The following NXPE2 variants were observed in gnomAD, a reference collection of about 807,000 sequenced individuals.
NXPE2 encodes the protein NXPE family member 2.
Under a neutral mutation model 34.4 loss-of-function variants are expected in NXPE2, and 34 were observed. The observed-to-expected ratio is 0.99, with a 90% CI of 0.75 to 1.31. NXPE2 has a LOEUF of 1.31. Among genes scored for constraint, NXPE2 ranks in the 40% most tolerant of loss-of-function variants. NXPE2 has a pLI of 0.00. For missense variants in NXPE2, 649 were observed against 672.5 expected, an observed-to-expected ratio of 0.97 and a Z score of 0.39; for synonymous variants, 235 against 231.3, an observed-to-expected ratio of 1.02 and a Z score of -0.15.
chr11:114,515,372 T>C, the NXPE2 span, among the ~76,000 whole-genome samples: 1 of 152,216 alleles, frequency 6.6e-6, no homozygotes, highest in South Asian at 2.1e-4. Context: ...ACAATTTTGC[T>C]TATTACTTCT....
At chr11:114,804,239 T>G in the NXPE2 span, among the ~76,000 whole-genome samples, 2 of 152,216 alleles carry the variant, frequency 1.3e-5, no homozygotes, top group Non-Finnish European at 2.9e-5. Context: ...CTGCTCCCTA[T>G]TCCCATAGTC....
chr11:114,591,937 A>G, the NXPE2 span, among the ~76,000 whole-genome samples: 1 of 152,160 alleles, frequency 6.6e-6, no homozygotes, highest in Non-Finnish European at 1.5e-5. Flanking sequence ...AAAATCATAT[A>G]ATCATCTCAA....
chr11:114,668,034 C>T, the NXPE2 span, among the ~76,000 whole-genome samples: 1 of 151,772 alleles, frequency 6.6e-6, no homozygotes, highest in Non-Finnish European at 1.5e-5. Flanking sequence ...TACAGGTACA[C>T]ACAGAAGGAA....
chr11:114,551,255 C>G, the NXPE2 span: 319 of 1,341,878 alleles, frequency 2.4e-4, 3 homozygotes, highest in East Asian at 7.9e-3. Context: ...AAGTGAATCT[C>G]TCTGTACTCA....
the NXPE2 span, among the ~76,000 whole-genome samples, chr11:114,745,855 A>G: frequency 6.6e-6 from 1 of 152,180 alleles, no homozygotes; most frequent in African/African-American, 2.4e-5. Context: ...TTACAAATGT[A>G]CTGTGTAGGG....
At chr11:114,747,440 C>T in the NXPE2 span, among the ~76,000 whole-genome samples, 1 of 151,820 alleles carries the variant, frequency 6.6e-6, no homozygotes, top group African/African-American at 2.4e-5. Context: ...ATATGCATTA[C>T]CTCATGTATT....
At chr11:114,466,909 T>C in the NXPE2 span, among the ~76,000 whole-genome samples, 8 of 152,134 alleles carry the variant, frequency 5.3e-5, no homozygotes, top group Non-Finnish European at 1.0e-4. Flanking sequence ...CAGAATTGAG[T>C]TGGAGGCTGA....
At chr11:114,768,617 G>A in the NXPE2 span, among the ~76,000 whole-genome samples, 2 of 152,088 alleles carry the variant, frequency 1.3e-5, no homozygotes. Context: ...TCCTTGAAGA[G>A]GTTCTTCACA....
chr11:114,632,699 T>TATATAATATA, the NXPE2 span, among the ~76,000 whole-genome samples: 3 of 71,954 alleles, frequency 4.2e-5, no homozygotes, highest in Non-Finnish European at 7.1e-5. Flanking sequence ...TTTATATATT[T>TATATAATATA]ATATAATATA....
intron 2 of NXPE2, among the ~76,000 whole-genome samples, chr11:114,695,098 T>C (rs1306759359): frequency 6.6e-6 from 1 of 152,200 alleles, no homozygotes. Flanking sequence ...GGAGTTAGAC[T>C]GTGTTTACTG....
chr11:114,721,200 G>A, the NXPE2 span, among the ~76,000 whole-genome samples: 1 of 151,664 alleles, frequency 6.6e-6, no homozygotes. Flanking sequence ...TAGTGTTCAT[G>A]TGGGATCACC....
the NXPE2 span, among the ~76,000 whole-genome samples, chr11:114,525,477 C>G: frequency 6.6e-6 from 1 of 152,064 alleles, no homozygotes; most frequent in Non-Finnish European, 1.5e-5. Context: ...TCTGCAGAGC[C>G]GGGTCCCAGA....
chr11:114,650,580 T>C, the NXPE2 span, among the ~76,000 whole-genome samples: 2 of 151,856 alleles, frequency 1.3e-5, no homozygotes, highest in Non-Finnish European at 2.9e-5. Context: ...TGAGAAAAAA[T>C]CTACACTGCA....
chr11:114,574,730 G>C, the NXPE2 span, among the ~76,000 whole-genome samples: 1 of 151,950 alleles, frequency 6.6e-6, no homozygotes, highest in Admixed American at 6.6e-5. Flanking sequence ...AAAAGTTCAG[G>C]ATAGATTCAC....
At chr11:114,778,919 T>C in the NXPE2 span, among the ~76,000 whole-genome samples, 24,104 of 152,210 alleles carry the variant, frequency 0.16, 1,977 homozygotes, top group Admixed American at 0.21. Flanking sequence ...AAGAACCCGT[T>C]GTGGCTTTAA....
At chr11:114,751,114 G>A in the NXPE2 span, among the ~76,000 whole-genome samples, 1 of 152,134 alleles carries the variant, frequency 6.6e-6, no homozygotes, top group East Asian at 1.9e-4. Flanking sequence ...AGGGGATAGA[G>A]ACCGAAGAAG....
chr11:114,642,996 A>G, the NXPE2 span, among the ~76,000 whole-genome samples: 2 of 152,094 alleles, frequency 1.3e-5, no homozygotes, highest in Non-Finnish European at 2.9e-5. Flanking sequence ...TTTGATTTGC[A>G]TTTCTCTAAT....
chr11:114,562,857 T>C, the NXPE2 span, among the ~76,000 whole-genome samples: 1 of 152,226 alleles, frequency 6.6e-6, no homozygotes, highest in Non-Finnish European at 1.5e-5. Context: ...TTCTTAGAGA[T>C]GCTTGCTCTC....
chr11:114,646,479 C>A, the NXPE2 span, among the ~76,000 whole-genome samples: 1 of 151,890 alleles, frequency 6.6e-6, no homozygotes, highest in Non-Finnish European at 1.5e-5. Flanking sequence ...CTCATTTCAT[C>A]ATGAGGTTAA....
Sources: gnomAD v4.1 joint callset for allele counts (sites outside exome capture counted in the v4.1 genomes callset) on GRCh38, gnomAD v4.1.1 for gene constraint, MANE v1.5 for transcripts, NCBI Gene and HGNC (gene_info 2026-07-23, HGNC 2026-07-21) for gene names.